RANBP10: variants seen among roughly 807,000 people sequenced by gnomAD.
RANBP10 encodes RAN binding protein 10, also known as ran-binding protein 10.
In RANBP10, 24 loss-of-function variants were observed where a neutral mutation model predicts 72.8. That is an observed-to-expected ratio of 0.33 (90% confidence interval 0.24 to 0.46). The LOEUF is 0.46. RANBP10 is among the 20% of genes least tolerant of loss of function. RANBP10 has a pLI of 1.00. For synonymous variants in RANBP10, 310 were observed against 322.3 expected, an observed-to-expected ratio of 0.96 and a Z score of 0.41; for missense variants, 679 against 817.5, an observed-to-expected ratio of 0.83 and a Z score of 2.07.
intron 13 of RANBP10, among the ~76,000 whole-genome samples, 179 bp downstream of exon 13, chr16:67,727,148 G>T (rs1285883060): frequency 9.9e-5 from 15 of 152,206 alleles, no homozygotes; most frequent in Admixed American, 9.8e-4. Context: ...ACAACAACTA[G>T]CCAGGCGTGG....
intron 3 of RANBP10, among the ~76,000 whole-genome samples, chr16:67,758,356 G>C (rs1838250678): frequency 1.3e-5 from 2 of 152,242 alleles, no homozygotes; most frequent in Non-Finnish European, 2.9e-5. Flanking sequence ...CTCTTCTAGG[G>C]CTGGGTTTAG....
intron 2 of RANBP10, among the ~76,000 whole-genome samples, chr16:67,772,803 G>C (rs966817636): frequency 1.3e-5 from 2 of 152,142 alleles, no homozygotes; most frequent in Non-Finnish European, 2.9e-5. Context: ...TTGACACCTG[G>C]AGGTAGAATG....
intron 2 of RANBP10, among the ~76,000 whole-genome samples, chr16:67,791,373 C>A (rs1039241756): frequency 2.0e-5 from 3 of 152,142 alleles, no homozygotes; most frequent in Admixed American, 2.0e-4. Flanking sequence ...AGCCTATGGG[C>A]ACTTTTAAGA....
chr16:67,759,495 T>A (rs1315594777), intron 3 of RANBP10: 1 of 152,130 alleles, frequency 6.6e-6, no homozygotes, highest in African/African-American at 2.4e-5. Context: ...GAGTGCCCAA[T>A]CATGCCAGGG....
chr16:67,739,694 A>T (rs1269316393), intron 4 of RANBP10: 1 of 152,266 alleles, frequency 6.6e-6, no homozygotes, highest in African/African-American at 2.4e-5. Context: ...TGAGCCCTGC[A>T]GGTTGAGGCT....
chr16:67,743,377 G>A (rs2054006628), intron 4 of RANBP10, among the ~76,000 whole-genome samples: 1 of 104,064 alleles, frequency 9.6e-6, no homozygotes, highest in Non-Finnish European at 2.1e-5. Context: ...GGGGACTTCT[G>A]CAAACCCAGG....
intron 3 of RANBP10, among the ~76,000 whole-genome samples, chr16:67,752,481 T>A (rs1597860170): frequency 6.6e-6 from 1 of 152,308 alleles, no homozygotes; most frequent in Non-Finnish European, 1.5e-5. Flanking sequence ...AACTGTAAAA[T>A]GATTATTTCA....
Position 67,726,184 on chromosome 16 carries a change from T to G in RANBP10, c.*244A>C. ...CCCTTTCAAAATAGAAGGCGCTACA[T>G]GAGAGTAACCAGCCAATACTGTGTT... On this transcript the variant is annotated 3_prime_UTR_variant, in exon 14 of 14. Coordinates refer to ENST00000317506, the MANE Select transcript of RANBP10 (RefSeq NM_020850.3). 8 of 468,984 alleles carry G rather than the reference T, an allele frequency of 1.7e-5. No individual in the cohort carries two copies. The highest frequency in any genetic ancestry group is 9.0e-5 in the East Asian group (2 of 22,170). 29.1% of individuals were successfully genotyped at this position (468,984 alleles called of 1,614,324 possible).
At chr16:67,803,425 C>T (rs1317500911) in intron 2 of RANBP10, among the ~76,000 whole-genome samples, 1 of 151,884 alleles carries the variant, frequency 6.6e-6, no homozygotes, top group Non-Finnish European at 1.5e-5. Flanking sequence ...CCAAGGCAGG[C>T]GAATCACCTG....
intron 2 of RANBP10, among the ~76,000 whole-genome samples, chr16:67,783,036 G>C (rs1488934901): frequency 6.6e-6 from 1 of 152,030 alleles, no homozygotes; most frequent in African/African-American, 2.4e-5. Context: ...GGTCCACCTA[G>C]CACCCCGAGT....
chr16:67,736,434 C>A (rs1259328913), intron 5 of RANBP10, among the ~76,000 whole-genome samples: 1 of 152,180 alleles, frequency 6.6e-6, no homozygotes, highest in African/African-American at 2.4e-5. Context: ...GTGCTAGGAT[C>A]ACAAGCGTGA....
At chr16:67,747,928 C>T (rs918887979) in intron 3 of RANBP10, among the ~76,000 whole-genome samples, 1 of 150,218 alleles carries the variant, frequency 6.7e-6, no homozygotes, top group Admixed American at 6.7e-5. Context: ...TCACGCCATT[C>T]TCCCACGTCA....
intron 3 of RANBP10, among the ~76,000 whole-genome samples, chr16:67,753,749 G>A (rs1182987127): frequency 6.6e-6 from 1 of 152,124 alleles, no homozygotes; most frequent in Non-Finnish European, 1.5e-5. Flanking sequence ...GGCAGGACTC[G>A]CCAGGTGTGG....
At position 67,729,793 on chromosome 16, in the gene RANBP10, T is replaced by A; in HGVS notation, c.1034A>T (p.Asp345Val). ...GGAGCTCAAACTTCGGACCTCACTG[T>A]CCGTCCCATTCACCATCTCCACAAA... is the stretch of plus-strand genomic sequence containing the variant. ...RQFVEMVNGTDSEVRSLSSRS... is the reference protein window; with the variant it reads ...RQFVEMVNGTVSEVRSLSSRS... Residue 345 changes from aspartate (D) to valine (V), a missense_variant, in exon 9 of 14, where the codon GAC (aspartate) becomes GTC (valine). Physicochemically the swap from Asp to Val is radical, Grantham distance 152 (BLOSUM62 -3). Transcript: ENST00000317506. This position sits in a 1 kb window ranked among gnomAD's most constrained non-coding sequence, Gnocchi z 7.1. The A allele has an allele frequency of 6.2e-7, 1 of 1,614,104 alleles. No homozygotes were observed.
intron 10 of RANBP10, chr16:67,728,749 TC>T (rs2053661479): frequency 1.1e-5 from 8 of 704,754 alleles, no homozygotes; most frequent in Non-Finnish European, 1.9e-5. Context: ...TCTGTGATTC[TC>T]CCCTCCCTGG....
In RANBP10 at chr16:67,754,198, G is replaced by A. The variant is rs576485144; in HGVS notation, c.401-9743C>T. On this transcript the variant is annotated intron_variant, in intron 3 of 13. Transcript: ENST00000317506. ...GGAACAGGCCCTTCGGAAGTGCTAA[G>A]CTTGAGATGTCTTATTAGACATCCA... Among the ~76,000 whole-genome samples, 273 of 151,724 alleles carry A rather than the reference G, an allele frequency of 1.8e-3. 1 individual carries two copies. The highest frequency in any genetic ancestry group is 3.3e-3 in the Non-Finnish European group (223 of 67,980).
chr16:67,734,475 AG>A (rs1384332792), intron 6 of RANBP10, among the ~76,000 whole-genome samples: 1 of 152,252 alleles, frequency 6.6e-6, no homozygotes, highest in African/African-American at 2.4e-5. Flanking sequence ...AGGTGGCCTC[AG>A]GCCAGAGTCA....
chr16:67,760,726 T>C (rs2054380218), intron 3 of RANBP10, among the ~76,000 whole-genome samples: 1 of 152,212 alleles, frequency 6.6e-6, no homozygotes, highest in Non-Finnish European at 1.5e-5. Context: ...CTTTGAGGCA[T>C]TGTAGTAACT....
intron 3 of RANBP10, among the ~76,000 whole-genome samples, chr16:67,766,657 A>C (rs1011694654): frequency 3.3e-5 from 5 of 152,172 alleles, no homozygotes; most frequent in Non-Finnish European, 7.3e-5. Flanking sequence ...TGCTGGAGCT[A>C]GGCATGTACA....
Sources: gnomAD v4.1 joint callset for allele counts (sites outside exome capture counted in the v4.1 genomes callset) on GRCh38, gnomAD v4.1.1 for gene constraint, Gnocchi (gnomAD v3.1) non-coding constraint, MANE v1.5 for transcripts, NCBI Gene and HGNC (gene_info 2026-07-23, HGNC 2026-07-21) for gene names.